The following EBF1 variants were observed in gnomAD, a reference collection of about 807,000 sequenced individuals.
The protein encoded by EBF1 is EBF transcription factor 1.
In EBF1, 10 loss-of-function variants were observed where a neutral mutation model predicts 68.4. The ratio of observed to expected loss-of-function variants is 0.15; its 90% CI spans 0.09 to 0.25. The LOEUF (loss-of-function observed/expected upper bound fraction) is 0.25. Ranked by LOEUF, EBF1 falls within the 10% of genes least tolerant of loss-of-function variation. The probability of loss-of-function intolerance (pLI) is 1.00; values close to 1 mark genes in which losing one functional copy is unlikely to be tolerated. For synonymous variants in EBF1, 298 were observed against 299.8 expected (o/e 0.99, Z 0.06); for missense variants, 509 against 794.4 (o/e 0.64, Z 4.32).
intron 6 of EBF1, among the ~76,000 whole-genome samples, chr5:158,849,993 C>A (rs1203771675): frequency 3.9e-5 from 6 of 152,178 alleles, no homozygotes; most frequent in African/African-American, 9.7e-5. Context: ...AAATGTACAT[C>A]ATTTATTAGT....
chr5:159,084,942 C>A (rs1780377134), intron 4 of EBF1, among the ~76,000 whole-genome samples: 1 of 152,172 alleles, frequency 6.6e-6, no homozygotes, highest in Admixed American at 6.5e-5. Context: ...CCCCTTCAAC[C>A]ACCTTGCCAT....
chr5:158,748,183 C>A (rs1768016776), intron 10 of EBF1, among the ~76,000 whole-genome samples: 1 of 152,118 alleles, frequency 6.6e-6, no homozygotes, highest in African/African-American at 2.4e-5. Context: ...GGGAAAGTTG[C>A]CAGAATGGAT....
intron 6 of EBF1, among the ~76,000 whole-genome samples, chr5:158,916,171 G>A (rs921926326): frequency 3.9e-5 from 6 of 152,142 alleles, no homozygotes; most frequent in Non-Finnish European, 8.8e-5. Flanking sequence ...TGCCAAGGAT[G>A]GAAATTATCT....
chr5:159,025,821 C>A (rs1767614340), intron 6 of EBF1, among the ~76,000 whole-genome samples: 1 of 152,204 alleles, frequency 6.6e-6, no homozygotes, highest in African/African-American at 2.4e-5. Context: ...CCAACATACA[C>A]CTCTGAATAG....
At position 159,049,878 on chromosome 5, in the gene EBF1, G is replaced by A. The variant is rs541389166; in HGVS notation, c.554+23518C>T. Among the ~76,000 whole-genome samples the A allele has an allele frequency of 1.8e-4, 28 of 152,248 alleles. No individual in the cohort carries two copies. In the South Asian group the frequency reaches 2.9e-3, roughly 16 times the overall value. On this transcript the variant is annotated intron_variant, in intron 6 of 15. Transcript: ENST00000313708. ...AATCTCCAGAATGATTTTACATCCCGGTTGTCCTACAAAACTAACTCTCTC... is the reference window on the plus strand; with the variant it reads ...AATCTCCAGAATGATTTTACATCCCAGTTGTCCTACAAAACTAACTCTCTC...
intron 6 of EBF1, among the ~76,000 whole-genome samples, chr5:158,919,105 C>A (rs977781979): frequency 1.3e-5 from 2 of 152,184 alleles, no homozygotes; most frequent in African/African-American, 4.8e-5. Context: ...ATCTGTTTAG[C>A]ACTTGTTGGG....
At chr5:158,984,543 T>G (rs1758599450) in intron 6 of EBF1, among the ~76,000 whole-genome samples, 1 of 152,148 alleles carries the variant, frequency 6.6e-6, no homozygotes, top group Admixed American at 6.5e-5. Flanking sequence ...TTTCTCTTAA[T>G]TGTTCTGATT....
rs73816084 is a variant in EBF1, at chr5:158,892,877, G to A, written c.555-52767C>T. On this transcript the variant is annotated intron_variant, in intron 6 of 15. Coordinates refer to ENST00000313708, the MANE Select transcript of EBF1 (RefSeq NM_024007.5). ...AAGCCATAATGATTTTGCTCACTCAGCACCTACTCGAAGCGCCCCTTTTAC... is the reference window on the plus strand; with the variant it reads ...AAGCCATAATGATTTTGCTCACTCAACACCTACTCGAAGCGCCCCTTTTAC... Among the ~76,000 whole-genome samples, 584 of 151,290 alleles carry A rather than the reference G, an allele frequency of 3.9e-3. 1 individual carries two copies. The highest frequency in any genetic ancestry group is 0.013 in the African/African-American group (521 of 41,392).
chr5:158,935,868 CA>C (rs1811902585), intron 6 of EBF1, among the ~76,000 whole-genome samples: 2 of 152,176 alleles, frequency 1.3e-5, no homozygotes, highest in Admixed American at 1.3e-4. Flanking sequence ...GCCAAGAACC[CA>C]GAGGTTTTTC....
At chr5:158,712,446 G>T (rs1759603740) in intron 13 of EBF1, 113 bp from the exon 14 acceptor site, 16 of 1,200,220 alleles carry the variant, frequency 1.3e-5, no homozygotes, top group Non-Finnish European at 1.9e-5. Context: ...CAACCCAGAG[G>T]GAAGGGATTG....
chr5:158,727,742 G>A lies in EBF1; in HGVS notation c.1125+3327C>T, dbSNP rs549822991. On this transcript the variant is annotated intron_variant, in intron 11 of 15. Coordinates refer to ENST00000313708, the MANE Select transcript of EBF1 (RefSeq NM_024007.5). Reference sequence around the variant, plus strand: ...ACAGAGCAGGATTCCGCTTGCTCCCGTTTTCCTATTTGGTAAATGGTAAAG... The same window carrying A: ...ACAGAGCAGGATTCCGCTTGCTCCCATTTTCCTATTTGGTAAATGGTAAAG... Among the ~76,000 whole-genome samples, 20 of 152,258 alleles carry A rather than the reference G, an allele frequency of 1.3e-4. No individual in the cohort carries two copies. In the East Asian group the frequency reaches 2.3e-3, roughly 18 times the overall value.
chr5:158,988,929 C>T (rs1398932002), intron 6 of EBF1, among the ~76,000 whole-genome samples: 1 of 152,210 alleles, frequency 6.6e-6, no homozygotes, highest in African/African-American at 2.4e-5. Flanking sequence ...CTGGTATCTC[C>T]AGTTGAATTA....
intron 6 of EBF1, among the ~76,000 whole-genome samples, chr5:158,942,277 A>G (rs1314212050): frequency 6.6e-6 from 1 of 152,216 alleles, no homozygotes; most frequent in Non-Finnish European, 1.5e-5. Context: ...TACAAAGAAC[A>G]TCAAATATAA....
At chr5:158,991,370 C>A (rs140779528) in intron 6 of EBF1, among the ~76,000 whole-genome samples, 1 of 152,134 alleles carries the variant, frequency 6.6e-6, no homozygotes, top group Non-Finnish European at 1.5e-5. Flanking sequence ...ATCTGAATCA[C>A]AAAACAGCTT....
intron 6 of EBF1, among the ~76,000 whole-genome samples, chr5:159,004,762 T>G (rs936464750): frequency 6.6e-6 from 1 of 152,200 alleles, no homozygotes; most frequent in Non-Finnish European, 1.5e-5. Context: ...GATAAGATCC[T>G]GGATTCTTCA....
chr5:158,898,765 C>T (rs1036398478), intron 6 of EBF1, among the ~76,000 whole-genome samples: 5 of 152,228 alleles, frequency 3.3e-5, no homozygotes, highest in Non-Finnish European at 2.9e-5. Flanking sequence ...AGATGCAACT[C>T]TAATAGGCAG....
chr5:158,977,557 G>C (rs1484081215), intron 6 of EBF1, among the ~76,000 whole-genome samples: 2 of 152,186 alleles, frequency 1.3e-5, no homozygotes, highest in Non-Finnish European at 2.9e-5. Context: ...TAGTAGCACA[G>C]GAAGAAAATT....
chr5:158,742,308 C>G (rs766501002), intron 10 of EBF1, among the ~76,000 whole-genome samples: 1 of 152,180 alleles, frequency 6.6e-6, no homozygotes, highest in South Asian at 2.1e-4. Context: ...TTGTCCCAAC[C>G]GTCCTGGAGT....
intron 6 of EBF1, among the ~76,000 whole-genome samples, chr5:158,902,620 T>C (rs1485624600): frequency 6.7e-6 from 1 of 149,030 alleles, no homozygotes; most frequent in East Asian, 1.9e-4. Flanking sequence ...ATTATTATTA[T>C]CATTATTATT....
Sources: gnomAD v4.1 joint callset for allele counts (sites outside exome capture counted in the v4.1 genomes callset) on GRCh38, gnomAD v4.1.1 for gene constraint, MANE v1.5 for transcripts, NCBI Gene and HGNC (gene_info 2026-07-23, HGNC 2026-07-21) for gene names.